MRFAP1: variants seen among roughly 807,000 people sequenced by gnomAD.
MRFAP1 encodes MORF4 family-associated protein 1.
Under a neutral mutation model 9.3 loss-of-function variants are expected in MRFAP1, and 1 was observed. The observed-to-expected ratio is 0.11, with a 90% confidence interval of 0.04 to 0.51. The LOEUF (loss-of-function observed/expected upper bound fraction) is 0.51. Among genes scored for constraint, MRFAP1 ranks in the 20% least tolerant of loss-of-function variants. The pLI is 0.94. For missense variants in MRFAP1, 180 were observed against 178.6 expected, an observed-to-expected ratio of 1.01 and a Z score of -0.04; for synonymous variants, 101 against 80.3, an observed-to-expected ratio of 1.26 and a Z score of -1.38.
In MRFAP1 at chr4:6,642,482, G is replaced by GTAATA. The variant is rs1712878589; in HGVS notation, c.*765_*766insTAATA. The GTAATA allele has an allele frequency of 6.6e-6, 1 of 152,668 alleles. No individual in the cohort carries two copies. Among genetic ancestry groups the GTAATA allele is most frequent in the Non-Finnish European group, 1.5e-5 (1 of 68,054 alleles). The allele number at this position is 152,668 out of a possible 1,614,324, so 9.5% of individuals were successfully genotyped here. On this transcript the variant is annotated 3_prime_UTR_variant, in exon 2 of 2. Transcript: ENST00000382581. ...GTACAAGTTGATGTAATACCCTGAT[G>GTAATA]CGTTTTAGAGGACTTGGCATAAAAT...
intron 1 of MRFAP1, 159 bp downstream of exon 1, chr4:6,641,417 T>C: frequency 1.1e-6 from 1 of 941,610 alleles, no homozygotes; most frequent in Non-Finnish European, 1.5e-6. Context: ...GTGTTTTGTT[T>C]TTTGACGGTG....
At position 6,640,729 on chromosome 4, in the gene MRFAP1, T is replaced by C. The variant is rs1712781719; in HGVS notation, c.-134T>C. The C allele has an allele frequency of 8.2e-7, 1 of 1,217,020 alleles. No homozygotes were observed. Among genetic ancestry groups the C allele is most frequent in the African/African-American group, 1.5e-5 (1 of 65,968 alleles). 75.4% of individuals were successfully genotyped at this position (1,217,020 alleles called of 1,614,324 possible). A position where few individuals can be genotyped will look rare whatever the true frequency, so the allele number is the denominator to read the frequency against. On this transcript the variant is annotated 5_prime_UTR_variant, in exon 1 of 2. Coordinates refer to ENST00000382581, the MANE Select transcript of MRFAP1 (RefSeq NM_033296.3). ...TGCGCGTAAGTCGCTTGTCCGTGGC[T>C]TCTCTGAGAAGAAAAGTTGAAAAAG...
chr4:6,641,165 G>C lies in MRFAP1; in HGVS notation c.303G>C (p.Glu101Asp), dbSNP rs1161413659. 1.9e-6 allele frequency: 3 copies of C among 1,613,972 alleles called. No homozygotes were observed. Among genetic ancestry groups the C allele is most frequent in the Non-Finnish European group, 2.5e-6 (3 of 1,180,004 alleles). ...CGGCCAAGAGGTGCGAGAAGGCCGA[G>C]GAGAAGGCCAAGGAGATTGCGAAGA... ...GRAAKRCEKA[E>D]EKAKEIAKMA... Residue 101 changes from glutamate to aspartate, a missense_variant, in exon 1 of 2, where the codon GAG becomes GAC. Coordinates refer to ENST00000382581, the MANE Select transcript of MRFAP1 (RefSeq NM_033296.3).
chr4:6,640,983 T>G lies in MRFAP1; in HGVS notation c.121T>G (p.Ser41Ala), dbSNP rs947847923. Reference sequence around the variant, plus strand: ...CAACGAGATGCGCGAGGACATCGCGTCGCTGACGCGCGAGCACGGGCGGGC... The same window carrying G: ...CAACGAGATGCGCGAGGACATCGCGGCGCTGACGCGCGAGCACGGGCGGGC... ...VINEMREDIA[S>A]LTREHGRAYL... The change falls in exon 1 of 2, where the codon TCG (serine) becomes GCG (alanine). Residue 41 changes from serine to alanine, a missense_variant. Transcript: ENST00000382581. 1 of 1,613,822 alleles carries G rather than the reference T, an allele frequency of 6.2e-7. No homozygotes were observed. The highest frequency in any genetic ancestry group is 8.5e-7 in the Non-Finnish European group (1 of 1,179,982).
chr4:6,641,504 C>A, intron 1 of MRFAP1: 1 of 460,756 alleles, frequency 2.2e-6, no homozygotes, highest in Non-Finnish European at 3.8e-6. Flanking sequence ...CTCAGAGTCG[C>A]CAAGGAAACA....
Position 6,640,697 on chromosome 4 carries a change from G to T in MRFAP1, c.-166G>T. 1.1e-6 allele frequency: 1 copy of T among 884,836 alleles called. No individual in the cohort carries two copies. The highest frequency in any genetic ancestry group is 1.7e-6 in the Non-Finnish European group (1 of 586,506). 54.8% of individuals were successfully genotyped at this position (884,836 alleles called of 1,614,324 possible). ...CGGCCGGGACTCCATTTTGTTCGCC[G>T]TTACTCTGCGCGTAAGTCGCTTGTC... On this transcript the variant is annotated 5_prime_UTR_variant, in exon 1 of 2. Transcript: ENST00000382581.
Position 6,640,685 on chromosome 4 carries a change from A to G in MRFAP1, c.-178A>G. On this transcript the variant is annotated 5_prime_UTR_variant, in exon 1 of 2. Coordinates refer to ENST00000382581, the MANE Select transcript of MRFAP1 (RefSeq NM_033296.3). ...AGCGCTGGTTGACGGCCGGGACTCC[A>G]TTTTGTTCGCCGTTACTCTGCGCGT... 3 of 756,850 alleles carry G rather than the reference A, an allele frequency of 4.0e-6. No homozygotes were observed. Among genetic ancestry groups the G allele is most frequent in the Non-Finnish European group, 6.2e-6 (3 of 484,294 alleles). 46.9% of individuals were successfully genotyped at this position (756,850 alleles called of 1,614,324 possible).
chr4:6,641,350 G>A lies in MRFAP1; in HGVS notation c.*12+92G>A, dbSNP rs557211938. ...TTCATCGAGATGCACCGGAATCGGGGGTGGGGCGGGAGAATAAAGGCGTGC... is the reference window on the plus strand; with the variant it reads ...TTCATCGAGATGCACCGGAATCGGGAGTGGGGCGGGAGAATAAAGGCGTGC... On this transcript the variant is annotated intron_variant, in intron 1 of 1. Coordinates refer to ENST00000382581, the MANE Select transcript of MRFAP1 (RefSeq NM_033296.3). 5 of 1,468,592 alleles carry A rather than the reference G, an allele frequency of 3.4e-6. No individual in the cohort carries two copies. The East Asian group carries it at 9.2e-5, about 27-fold the overall frequency. The allele number at this position is 1,468,592 out of a possible 1,614,324, so 91.0% of individuals were successfully genotyped here.
In MRFAP1 at chr4:6,640,705, G is replaced by A. The variant is rs1363571770; in HGVS notation, c.-158G>A. ...ACTCCATTTTGTTCGCCGTTACTCT[G>A]CGCGTAAGTCGCTTGTCCGTGGCTT... On this transcript the variant is annotated 5_prime_UTR_variant, in exon 1 of 2. Transcript: ENST00000382581. The A allele has an allele frequency of 2.1e-6, 2 of 948,888 alleles. No homozygotes were observed. The highest frequency in any genetic ancestry group is 3.1e-6 in the Non-Finnish European group (2 of 638,902). The allele number at this position is 948,888 out of a possible 1,614,324, so 58.8% of individuals were successfully genotyped here. A position where few individuals can be genotyped will look rare whatever the true frequency, so the allele number is the denominator to read the frequency against.
In MRFAP1 at chr4:6,640,750, A is replaced by C; in HGVS notation, c.-113A>C. On this transcript the variant is annotated 5_prime_UTR_variant, in exon 1 of 2. Transcript: ENST00000382581. ...TGGCTTCTCTGAGAAGAAAAGTTGA[A>C]AAAGGGTAAAAGTTTTCAGGAATAT... 1 of 1,388,062 alleles carries C rather than the reference A, an allele frequency of 7.2e-7. No individual in the cohort carries two copies. 86.0% of individuals were successfully genotyped at this position (1,388,062 alleles called of 1,614,324 possible). A position where few individuals can be genotyped will look rare whatever the true frequency, so the allele number is the denominator to read the frequency against.
chr4:6,640,999 A>G lies in MRFAP1; in HGVS notation c.137A>G (p.His46Arg). The G allele has an allele frequency of 6.2e-7, 1 of 1,614,060 alleles. No homozygotes were observed. The highest frequency in any genetic ancestry group is 2.2e-5 in the East Asian group (1 of 44,832). ...REDIASLTRE[H>R]GRAYLRNRSK... The stretch of plus-strand genomic sequence containing the variant: ...GACATCGCGTCGCTGACGCGCGAGC[A>G]CGGGCGGGCGTACCTGCGGAACCGG... The change falls in exon 1 of 2, where the codon CAC (histidine) becomes CGC (arginine). Residue 46 changes from histidine (H) to arginine (R), a missense_variant. By Grantham distance (29) the His-to-Arg change is conservative. Transcript: ENST00000382581.
At position 6,640,762 on chromosome 4, in the gene MRFAP1, GTT is replaced by G. The variant is rs560431462; in HGVS notation, c.-98_-97del. 56 of 1,439,642 alleles carry G rather than the reference GTT, an allele frequency of 3.9e-5. No homozygotes were observed. The African/African-American group carries it at 7.5e-4, about 19-fold the overall frequency. 89.2% of individuals were successfully genotyped at this position (1,439,642 alleles called of 1,614,324 possible). A position where few individuals can be genotyped will look rare whatever the true frequency, so the allele number is the denominator to read the frequency against. On this transcript the variant is annotated 5_prime_UTR_variant, in exon 1 of 2. Coordinates refer to ENST00000382581, the MANE Select transcript of MRFAP1 (RefSeq NM_033296.3). ...GAAGAAAAGTTGAAAAAGGGTAAAA[GTT>G]TTCAGGAATATTCGGGCTCTCTATT...
Position 6,640,701 on chromosome 4 carries a change from C to G in MRFAP1, c.-162C>G, listed in dbSNP as rs905780930. 17 of 919,972 alleles carry G rather than the reference C, an allele frequency of 1.8e-5. No individual in the cohort carries two copies. Among genetic ancestry groups the G allele is most frequent in the Non-Finnish European group, 2.6e-5 (16 of 615,486 alleles). The allele number at this position is 919,972 out of a possible 1,614,324, so 57.0% of individuals were successfully genotyped here. ...CGGGACTCCATTTTGTTCGCCGTTA[C>G]TCTGCGCGTAAGTCGCTTGTCCGTG... On this transcript the variant is annotated 5_prime_UTR_variant, in exon 1 of 2. Transcript: ENST00000382581.
chr4:6,640,770 G>A lies in MRFAP1; in HGVS notation c.-93G>A. On this transcript the variant is annotated 5_prime_UTR_variant, in exon 1 of 2. Coordinates refer to ENST00000382581, the MANE Select transcript of MRFAP1 (RefSeq NM_033296.3). ...GTTGAAAAAGGGTAAAAGTTTTCAGGAATATTCGGGCTCTCTATTGCTAAG... is the reference window on the plus strand; with the variant it reads ...GTTGAAAAAGGGTAAAAGTTTTCAGAAATATTCGGGCTCTCTATTGCTAAG... 6 of 1,450,794 alleles carry A rather than the reference G, an allele frequency of 4.1e-6. No individual in the cohort carries two copies. Among genetic ancestry groups the A allele is most frequent in the Non-Finnish European group, 5.6e-6 (6 of 1,074,720 alleles). 89.9% of individuals were successfully genotyped at this position (1,450,794 alleles called of 1,614,324 possible). A position where few individuals can be genotyped will look rare whatever the true frequency, so the allele number is the denominator to read the frequency against.
rs953633973 is a variant in MRFAP1 at position 6,640,719 on chromosome 4, T to A, written c.-144T>A. ...GCCGTTACTCTGCGCGTAAGTCGCT[T>A]GTCCGTGGCTTCTCTGAGAAGAAAA... On this transcript the variant is annotated 5_prime_UTR_variant, in exon 1 of 2. Coordinates refer to ENST00000382581, the MANE Select transcript of MRFAP1 (RefSeq NM_033296.3). The A allele has an allele frequency of 9.1e-7, 1 of 1,095,518 alleles. No homozygotes were observed. The highest frequency in any genetic ancestry group is 1.3e-6 in the Non-Finnish European group (1 of 766,972). The allele number at this position is 1,095,518 out of a possible 1,614,324, so 67.9% of individuals were successfully genotyped here. A position where few individuals can be genotyped will look rare whatever the true frequency, so the allele number is the denominator to read the frequency against.
Position 6,642,107 on chromosome 4 carries a change from A to C in MRFAP1, c.*390A>C, listed in dbSNP as rs928139087. Reference sequence around the variant, plus strand: ...TCTGTGTGTGACACATGAGACTCACAGTTGGAGTTCTCCAGCTCTGGAGGT... The same window carrying C: ...TCTGTGTGTGACACATGAGACTCACCGTTGGAGTTCTCCAGCTCTGGAGGT... On this transcript the variant is annotated 3_prime_UTR_variant, in exon 2 of 2. Transcript: ENST00000382581. The C allele has an allele frequency of 4.6e-5, 7 of 152,616 alleles. No homozygotes were observed. Among genetic ancestry groups the C allele is most frequent in the Non-Finnish European group, 1.0e-4 (7 of 68,044 alleles). 9.5% of individuals were successfully genotyped at this position (152,616 alleles called of 1,614,324 possible).
chr4:6,640,815 C>T lies in MRFAP1; in HGVS notation c.-48C>T, dbSNP rs2108772201. ...GCTAAGCATAGCGAGTGTCGGTTTT[C>T]TCTCTCCAACAGACATCGCTATTGC... is the stretch of plus-strand genomic sequence containing the variant. On this transcript the variant is annotated 5_prime_UTR_variant, in exon 1 of 2. Coordinates refer to ENST00000382581, the MANE Select transcript of MRFAP1 (RefSeq NM_033296.3). The T allele has an allele frequency of 6.4e-7, 1 of 1,556,312 alleles. No homozygotes were observed. Among genetic ancestry groups the T allele is most frequent in the Non-Finnish European group, 8.7e-7 (1 of 1,146,412 alleles).
rs1560111014 is a variant in MRFAP1 at position 6,640,781 on chromosome 4, C to T, written c.-82C>T. ...GTAAAAGTTTTCAGGAATATTCGGG[C>T]TCTCTATTGCTAAGCATAGCGAGTG... On this transcript the variant is annotated 5_prime_UTR_variant, in exon 1 of 2. Coordinates refer to ENST00000382581, the MANE Select transcript of MRFAP1 (RefSeq NM_033296.3). The T allele has an allele frequency of 2.0e-6, 3 of 1,470,572 alleles. No homozygotes were observed. Among genetic ancestry groups the T allele is most frequent in the South Asian group, 1.3e-5 (1 of 74,746 alleles). The allele number at this position is 1,470,572 out of a possible 1,614,324, so 91.1% of individuals were successfully genotyped here.
At position 6,640,907 on chromosome 4, in the gene MRFAP1, G is replaced by A. The variant is rs773664446; in HGVS notation, c.45G>A (p.Val15=). Residue 15 remains valine (V), a synonymous_variant, in exon 1 of 2, where the codon GTG becomes GTA. Transcript: ENST00000382581. ...TCGAGCTGGCGGAACCGGAGGAAGT[G>A]GAGGTGCTGGAGCCCGAGGAGGATT... ...DIVELAEPEE[V]EVLEPEEDFE... is the part of the protein sequence containing the mutation. 4.3e-6 allele frequency: 7 copies of A among 1,612,836 alleles called. No homozygotes were observed. The highest frequency in any genetic ancestry group is 5.9e-6 in the Non-Finnish European group (7 of 1,179,002).
Sources: allele counts gnomAD v4.1 joint callset, GRCh38; gene constraint gnomAD v4.1.1; transcripts MANE v1.5; gene names NCBI Gene and HGNC (gene_info 2026-07-23, HGNC 2026-07-21).